The following NAPA variants were observed in gnomAD, a reference collection of about 807,000 sequenced individuals.
NAPA encodes the protein alpha-soluble NSF attachment protein.
A neutral mutation model predicts 48.0 loss-of-function variants in NAPA; 18 were observed. That is an observed-to-expected ratio of 0.38 (90% CI 0.26 to 0.56). The LOEUF (loss-of-function observed/expected upper bound fraction) is 0.56. NAPA is among the 20% of genes least tolerant of loss of function. The pLI, the probability that NAPA is intolerant of heterozygous loss-of-function variation, is 0.77. For synonymous variants in NAPA, 152 were observed against 149.9 expected, an observed-to-expected ratio of 1.01 and a Z score of -0.10; for missense variants, 315 against 385.0, an observed-to-expected ratio of 0.82 and a Z score of 1.52.
chr19:47,496,701 T>C (rs1968432910), intron 3 of NAPA: 2 of 309,842 alleles, frequency 6.5e-6, no homozygotes, highest in Non-Finnish European at 1.3e-5. Context: ...GCTGGGCTCC[T>C]CTCAAGGGGC....
chr19:47,496,778 A>G (rs1320293154), intron 3 of NAPA: 3 of 439,108 alleles, frequency 6.8e-6, no homozygotes, highest in Non-Finnish European at 1.4e-5. Context: ...TCTTTGTCTC[A>G]GGTCTGTGGC....
In NAPA at chr19:47,492,978, T is replaced by A; in HGVS notation, c.544A>T (p.Ile182Phe). 1 of 1,614,130 alleles carries A rather than the reference T, an allele frequency of 6.2e-7. No individual in the cohort carries two copies. The highest frequency in any genetic ancestry group is 1.3e-5 in the African/African-American group (1 of 75,016). ...AALLEQYQKA[I>F]DIYEQVGTNA... Reference sequence around the variant, plus strand: ...GTCCCCACCTGTTCGTAGATGTCAATGGCCTTCTGATACTGCTCCAGCAGC... The same window carrying A: ...GTCCCCACCTGTTCGTAGATGTCAAAGGCCTTCTGATACTGCTCCAGCAGC... Residue 182 changes from isoleucine (I) to phenylalanine (F), a missense_variant, in exon 7 of 11, where the codon ATT (isoleucine) becomes TTT (phenylalanine). Around this residue, in one of 3 missense-constraint regions of NAPA, gnomAD observed 137 missense variants for 150.1 expected, o/e 0.91. Coordinates refer to ENST00000263354, the MANE Select transcript of NAPA (RefSeq NM_003827.4).
intron 9 of NAPA, among the ~76,000 whole-genome samples, chr19:47,490,356 CTGTGTGTGG>C (rs979623076): frequency 7.6e-5 from 9 of 118,474 alleles, no homozygotes; most frequent in South Asian, 2.8e-4. Flanking sequence ...GATGTGTTTG[CTGTGTGTGG>C]TGTGTGTGTA....
chr19:47,491,712 A>G (rs940989505), intron 8 of NAPA, among the ~76,000 whole-genome samples: 1 of 152,184 alleles, frequency 6.6e-6, no homozygotes, highest in African/African-American at 2.4e-5. Flanking sequence ...CTTCACCCAT[A>G]AGACGCGGTG....
chr19:47,497,133 G>C, intron 3 of NAPA: 1 of 218,680 alleles, frequency 4.6e-6, no homozygotes, highest in Non-Finnish European at 9.5e-6. Flanking sequence ...AGCAGCTGGA[G>C]TGAGGTGAGA....
intron 2 of NAPA, among the ~76,000 whole-genome samples, chr19:47,501,780 G>A (rs1968583374): frequency 1.3e-5 from 2 of 152,176 alleles, no homozygotes; most frequent in Admixed American, 1.3e-4. Context: ...GCTCAGCTCT[G>A]AGGCTTCTCC....
chr19:47,502,281 G>C lies in NAPA; in HGVS notation c.178+1142C>G, dbSNP rs1172206122. 2.6e-5 allele frequency among the ~76,000 whole-genome samples: 4 copies of C among 151,310 alleles called. No individual in the cohort carries two copies. In the East Asian group the frequency reaches 7.7e-4, roughly 29 times the overall value. On this transcript the variant is annotated intron_variant, in intron 2 of 10. Coordinates refer to ENST00000263354, the MANE Select transcript of NAPA (RefSeq NM_003827.4). ...AAAAAAAAAAAAATTTCAAGAAAAG[G>C]GGATATTACCGGGGGGAAATGGCCT...
chr19:47,496,315 G>A (rs1309307004), intron 3 of NAPA: 1 of 152,974 alleles, frequency 6.5e-6, no homozygotes, highest in Non-Finnish European at 1.5e-5. Flanking sequence ...ACACCAGGAT[G>A]GCACTGAGGA....
intron 10 of NAPA, 193 bp downstream of exon 10, chr19:47,489,518 A>C (rs1968181651): frequency 1.5e-6 from 1 of 649,908 alleles, no homozygotes. Flanking sequence ...ACCATCTATA[A>C]AATGGGGAGA....
chr19:47,493,613 A>C lies in NAPA; in HGVS notation c.343-120T>G. 1.2e-6 allele frequency: 1 copy of C among 824,308 alleles called. No homozygotes were observed. The highest frequency in any genetic ancestry group is 2.1e-6 in the Non-Finnish European group (1 of 484,862). 51.1% of individuals were successfully genotyped at this position (824,308 alleles called of 1,614,324 possible). ...ACGCCTGTGAGGAGGTATGAAGAAG[A>C]CCTGAGGTGTGAAGAAGATCGAGAG... On this transcript the variant is annotated intron_variant, in intron 4 of 10. Transcript: ENST00000263354. This position sits in a 1 kb window ranked among gnomAD's most constrained non-coding sequence, Gnocchi z 6.4.
At position 47,499,285 on chromosome 19, in the gene NAPA, CCA is replaced by C. The variant is rs370047430; in HGVS notation, c.295+1346_295+1347del. On this transcript the variant is annotated intron_variant, in intron 3 of 10. Transcript: ENST00000263354. The stretch of plus-strand genomic sequence containing the variant: ...CGGCAGCCTGGCGCTCAGTGTTGCC[CCA>C]GAGTGTCCTTCCAGTCACTCCAGAT... 2.7e-3 allele frequency among the ~76,000 whole-genome samples: 417 copies of C among 152,338 alleles called. 3 individuals carry two copies. The highest frequency in any genetic ancestry group is 9.7e-3 in the African/African-American group (404 of 41,572).
At chr19:47,490,366 T>G (rs1368888943) in intron 9 of NAPA, among the ~76,000 whole-genome samples, 2 of 146,536 alleles carry the variant, frequency 1.4e-5, no homozygotes, top group Non-Finnish European at 1.5e-5. Flanking sequence ...CTGTGTGTGG[T>G]GTGTGTGTAG....
intron 1 of NAPA, among the ~76,000 whole-genome samples, chr19:47,504,071 A>G (rs1336979498): frequency 6.6e-6 from 1 of 151,784 alleles, no homozygotes; most frequent in African/African-American, 2.4e-5. Context: ...GTGTAGATAT[A>G]AGATGTTCCC....
chr19:47,504,554 A>T (rs1235370021), intron 1 of NAPA, among the ~76,000 whole-genome samples: 1 of 152,068 alleles, frequency 6.6e-6, no homozygotes, highest in East Asian at 1.9e-4. Flanking sequence ...CAGGTGTGGG[A>T]GGCAGACTTA....
intron 3 of NAPA, chr19:47,497,103 G>C: frequency 3.7e-6 from 1 of 272,412 alleles, no homozygotes; most frequent in Non-Finnish European, 7.5e-6. Context: ...GCTAAGCCGG[G>C]CCACGCTGCA....
At chr19:47,490,713 G>A (rs1968241446) in intron 9 of NAPA, 75 bp downstream of exon 9, 1 of 1,265,110 alleles carries the variant, frequency 7.9e-7, no homozygotes, top group African/African-American at 1.5e-5. Context: ...AAGTCTTGGC[G>A]ATTGTCCCAC....
At position 47,487,797 on chromosome 19, in the gene NAPA, G is replaced by A. The variant is rs990703682; in HGVS notation, c.*491C>T. 1 of 152,912 alleles carries A rather than the reference G, an allele frequency of 6.5e-6. No individual in the cohort carries two copies. The highest frequency in any genetic ancestry group is 1.5e-5 in the Non-Finnish European group (1 of 68,600). The allele number at this position is 152,912 out of a possible 1,614,324, so 9.5% of individuals were successfully genotyped here. ...TCTAACCTGAGAGGTCGGGGCTGCA[G>A]GAAGCTGGGGGAGGCTCCCGGGGCT... On this transcript the variant is annotated 3_prime_UTR_variant, in exon 11 of 11. Coordinates refer to ENST00000263354, the MANE Select transcript of NAPA (RefSeq NM_003827.4).
In NAPA at chr19:47,503,410, G is replaced by A. The variant is rs770209575; in HGVS notation, c.178+13C>T. The A allele has an allele frequency of 1.2e-5, 20 of 1,611,606 alleles. No individual in the cohort carries two copies. Among genetic ancestry groups the A allele is most frequent in the Admixed American group, 1.2e-4 (7 of 59,998 alleles). ...GAGAGCACCTTGGAGGAGCTCTAGCGGAGATGACATACCACTCCAGTTTTT... is the reference window on the plus strand; with the variant it reads ...GAGAGCACCTTGGAGGAGCTCTAGCAGAGATGACATACCACTCCAGTTTTT... On this transcript the variant is annotated intron_variant, in intron 2 of 10. Transcript: ENST00000263354.
At position 47,492,054 on chromosome 19, in the gene NAPA, C is replaced by T. The variant is rs778477017; in HGVS notation, c.627G>A (p.Ala209=). 39 of 1,614,012 alleles carry T rather than the reference C, an allele frequency of 2.4e-5. No homozygotes were observed. In the East Asian group the frequency reaches 6.5e-4, roughly 27 times the overall value. The change falls in exon 8 of 11, where the codon GCG becomes GCA. Residue 209 remains alanine, a synonymous_variant. Transcript: ENST00000263354. ...TGTCGATGCAGAAGTGGCAGAGGGC[C>T]GCCTTGAAGAAGTAGTCTTTGGCGC... ...KYSAKDYFFK[A]ALCHFCIDML...
Sources: gnomAD v4.1 joint callset for allele counts (sites outside exome capture counted in the v4.1 genomes callset) on GRCh38, gnomAD v4.1.1 for gene constraint, gnomAD v4.1.1 regional missense constraint, Gnocchi (gnomAD v3.1) non-coding constraint, MANE v1.5 for transcripts, NCBI Gene and HGNC (gene_info 2026-07-23, HGNC 2026-07-21) for gene names.